DENND1A: variants seen among roughly 807,000 people sequenced by gnomAD.
DENND1A encodes the protein DENN domain-containing protein 1A.
Under a neutral mutation model 113.7 loss-of-function variants are expected in DENND1A, and 51 were observed. That is an observed-to-expected ratio of 0.45 (90% CI 0.36 to 0.57). The LOEUF is 0.57. Ranked by LOEUF, DENND1A falls within the 20% of genes least tolerant of loss-of-function variation. The pLI is 0.00. For synonymous variants in DENND1A, 565 were observed against 570.8 expected, an observed-to-expected ratio of 0.99 and a Z score of 0.14; for missense variants, 1,258 against 1,395.9, an observed-to-expected ratio of 0.90 and a Z score of 1.57.
chr9:123,538,048 C>G (rs1330195215), intron 13 of DENND1A, among the ~76,000 whole-genome samples: 2 of 152,154 alleles, frequency 1.3e-5, no homozygotes. Flanking sequence ...AATGTAAATA[C>G]AGCGGAACTA....
At chr9:123,500,667 G>T (rs773107005) in intron 13 of DENND1A, among the ~76,000 whole-genome samples, 1 of 152,138 alleles carries the variant, frequency 6.6e-6, no homozygotes, top group Non-Finnish European at 1.5e-5. Context: ...CTCCCTCTTA[G>T]CATGAAGGGC....
intron 5 of DENND1A, among the ~76,000 whole-genome samples, chr9:123,697,188 A>G (rs941095918): frequency 3.9e-5 from 6 of 152,216 alleles, no homozygotes; most frequent in African/African-American, 1.4e-4. Context: ...ATGCACATTT[A>G]TTTAATCCCC....
At chr9:123,424,727 G>A (rs1315627488) in intron 19 of DENND1A, among the ~76,000 whole-genome samples, 1 of 152,224 alleles carries the variant, frequency 6.6e-6, no homozygotes, top group Non-Finnish European at 1.5e-5. Flanking sequence ...TGTGACCTTG[G>A]TCAAGGTGCT....
intron 2 of DENND1A, among the ~76,000 whole-genome samples, chr9:123,846,580 G>A (rs1458704877): frequency 1.3e-5 from 2 of 152,152 alleles, no homozygotes; most frequent in African/African-American, 4.8e-5. Context: ...ATTAGGGTAA[G>A]TGAAATAAAC....
intron 11 of DENND1A, among the ~76,000 whole-genome samples, chr9:123,597,616 A>T (rs2137257304): frequency 6.6e-6 from 1 of 152,336 alleles, no homozygotes; most frequent in South Asian, 2.1e-4. Flanking sequence ...CCCTAGGGTC[A>T]TTAGAACAGG....
chr9:123,800,572 G>A, intron 2 of DENND1A, among the ~76,000 whole-genome samples: 1 of 152,098 alleles, frequency 6.6e-6, no homozygotes, highest in East Asian at 1.9e-4. Context: ...TCCTCCTGTT[G>A]ATCTGTCTTC....
chr9:123,611,884 G>T (rs2060433845), intron 10 of DENND1A, among the ~76,000 whole-genome samples: 1 of 152,198 alleles, frequency 6.6e-6, no homozygotes, highest in Admixed American at 6.5e-5. Context: ...TCATGGAAGA[G>T]ACTGAAGAGG....
chr9:123,465,123 G>A (rs1280921827), intron 13 of DENND1A, among the ~76,000 whole-genome samples: 1 of 151,280 alleles, frequency 6.6e-6, no homozygotes, highest in Non-Finnish European at 1.5e-5. Flanking sequence ...GGAGGTTGCA[G>A]TGAGCCAACA....
chr9:123,514,720 G>A (rs185338388), intron 13 of DENND1A, among the ~76,000 whole-genome samples: 6 of 152,290 alleles, frequency 3.9e-5, no homozygotes, highest in Admixed American at 2.0e-4. Flanking sequence ...CTTCAGTATG[G>A]GAAGATGGAT....
At chr9:123,538,809 C>A (rs7040373) in intron 13 of DENND1A, among the ~76,000 whole-genome samples, 2 of 22,472 alleles carry the variant, frequency 8.9e-5, no homozygotes, top group Non-Finnish European at 1.6e-4. Context: ...ACAACTCATA[C>A]ATATATATAT....
At chr9:123,524,337 CAAT>C (rs1481767390) in intron 13 of DENND1A, among the ~76,000 whole-genome samples, 3 of 152,196 alleles carry the variant, frequency 2.0e-5, no homozygotes, top group African/African-American at 7.2e-5. Flanking sequence ...AAACCTCTTT[CAAT>C]GATATCTGCG....
chr9:123,507,750 G>C (rs551672402), intron 13 of DENND1A, among the ~76,000 whole-genome samples: 14 of 151,604 alleles, frequency 9.2e-5, no homozygotes, highest in South Asian at 2.1e-4. Context: ...CAGCTACTTG[G>C]GGGGCTGAGG....
intron 13 of DENND1A, among the ~76,000 whole-genome samples, chr9:123,522,894 G>A (rs932372066): frequency 6.6e-6 from 1 of 152,180 alleles, no homozygotes; most frequent in Admixed American, 6.5e-5. Context: ...TTTGATAAGT[G>A]GCAGCATCTG....
At chr9:123,389,934 C>T (rs746961650) in intron 21 of DENND1A, among the ~76,000 whole-genome samples, 6 of 152,206 alleles carry the variant, frequency 3.9e-5, no homozygotes, top group Non-Finnish European at 8.8e-5. Context: ...GCTCTACCTA[C>T]CTCTGTGGCC....
intron 1 of DENND1A, among the ~76,000 whole-genome samples, chr9:123,915,247 T>C (rs541381041): frequency 1.3e-5 from 2 of 152,298 alleles, no homozygotes; most frequent in African/African-American, 4.8e-5. Flanking sequence ...ACCCTGATGT[T>C]ATTAACATTC....
chr9:123,528,347 C>A (rs1264104908), intron 13 of DENND1A, among the ~76,000 whole-genome samples: 1 of 152,148 alleles, frequency 6.6e-6, no homozygotes, highest in East Asian at 1.9e-4. Flanking sequence ...AACCAATATT[C>A]TTTATTTCCT....
In DENND1A at chr9:123,381,626, C is replaced by A; in HGVS notation, c.3019G>T (p.Asp1007Tyr). ...GGCCTGGGAGGCAGAAGCGGGGGGTCTCCAGGCCTCAGGGCCAGCCCCTGC... is the reference window on the plus strand; with the variant it reads ...GGCCTGGGAGGCAGAAGCGGGGGGTATCCAGGCCTCAGGGCCAGCCCCTGC... ...TKQGLALRPG[D>Y]PPLLPPRPPQ... is the part of the protein sequence containing the mutation. The change falls in exon 24 of 24, where the codon GAC becomes TAC. Residue 1007 changes from aspartate (D) to tyrosine (Y), a missense_variant. Coordinates refer to ENST00000394215, the MANE Select transcript of DENND1A (RefSeq NM_001352964.2). The surrounding 1 kb of genome is among the most constrained non-coding windows in gnomAD (Gnocchi z 4.7). The A allele has an allele frequency of 6.2e-7, 1 of 1,612,086 alleles. No individual in the cohort carries two copies. Among genetic ancestry groups the A allele is most frequent in the Non-Finnish European group, 8.5e-7 (1 of 1,179,472 alleles).
chr9:123,924,406 T>G (rs948586961), intron 1 of DENND1A, among the ~76,000 whole-genome samples: 2 of 152,180 alleles, frequency 1.3e-5, no homozygotes, highest in Non-Finnish European at 2.9e-5. Context: ...CAGTGGCTCA[T>G]GCCTGTAATC....
chr9:123,889,327 T>A (rs992737008), intron 1 of DENND1A, among the ~76,000 whole-genome samples: 3 of 152,026 alleles, frequency 2.0e-5, no homozygotes, highest in Admixed American at 6.5e-5. Context: ...GAGAGAAAAA[T>A]GAGAAAGTGC....
Sources: allele counts gnomAD v4.1 joint callset (sites outside exome capture counted in the v4.1 genomes callset), GRCh38; gene constraint gnomAD v4.1.1; non-coding constraint Gnocchi (gnomAD v3.1); transcripts MANE v1.5; gene names NCBI Gene and HGNC (gene_info 2026-07-23, HGNC 2026-07-21).